Variants in MRPL48 observed in about 807,000 individuals in gnomAD.
The protein encoded by MRPL48 is mitochondrial ribosomal protein L48, also known as large ribosomal subunit protein mL48.
In MRPL48, 16 loss-of-function variants were observed where a neutral mutation model predicts 32.9. That is an observed-to-expected ratio of 0.49 (90% CI 0.33 to 0.74). The LOEUF (loss-of-function observed/expected upper bound fraction) is 0.74. MRPL48 is among the 30% of genes least tolerant of loss of function. MRPL48 has a pLI of 0.02. For missense variants in MRPL48, 206 were observed against 245.3 expected (o/e 0.84, Z 1.07); for synonymous variants, 94 against 89.2 (o/e 1.05, Z -0.31).
chr11:73,829,570 A>G (rs1465903055), intron 4 of MRPL48, among the ~76,000 whole-genome samples: 1 of 151,958 alleles, frequency 6.6e-6, no homozygotes, highest in Non-Finnish European at 1.5e-5. Context: ...GGGTCTCACT[A>G]TAGTGCCCAT....
intron 5 of MRPL48, among the ~76,000 whole-genome samples, chr11:73,852,261 G>A (rs1443012793): frequency 6.6e-6 from 1 of 151,964 alleles, no homozygotes; most frequent in Non-Finnish European, 1.5e-5. Context: ...GCTTGTCTAT[G>A]GACTACACTT....
chr11:73,808,847 C>T (rs1024547766), intron 3 of MRPL48, among the ~76,000 whole-genome samples: 2 of 151,488 alleles, frequency 1.3e-5, no homozygotes, highest in South Asian at 2.1e-4. Context: ...CGCTTGAGCT[C>T]GGGAGGCGGA....
intron 3 of MRPL48, among the ~76,000 whole-genome samples, chr11:73,815,144 C>G (rs894628165): frequency 6.6e-6 from 1 of 151,928 alleles, no homozygotes; most frequent in East Asian, 1.9e-4. Context: ...GGCTAGGCGT[C>G]GTGTCTCATG....
intron 3 of MRPL48, among the ~76,000 whole-genome samples, chr11:73,814,931 G>T (rs1419111055): frequency 6.6e-6 from 1 of 152,034 alleles, no homozygotes; most frequent in Admixed American, 6.6e-5. Context: ...GGCGGAGGTT[G>T]CAGTGAGCCG....
chr11:73,852,393 C>CA (rs10554131), intron 5 of MRPL48, among the ~76,000 whole-genome samples: 13,966 of 82,624 alleles, frequency 0.17, 1,154 homozygotes, highest in Non-Finnish European at 0.21. Context: ...AACTCTATAG[C>CA]AAAAAAAAAA....
intron 3 of MRPL48, among the ~76,000 whole-genome samples, chr11:73,821,183 C>T (rs1947773931): frequency 6.6e-6 from 1 of 151,896 alleles, no homozygotes; most frequent in African/African-American, 2.4e-5. Flanking sequence ...TTTATAGAGA[C>T]AGGGTCTCTT....
At chr11:73,855,856 T>G (rs1310255135) in intron 5 of MRPL48, among the ~76,000 whole-genome samples, 2 of 152,238 alleles carry the variant, frequency 1.3e-5, no homozygotes, top group African/African-American at 4.8e-5. Flanking sequence ...GAAACCTCAT[T>G]AAGTTAGATC....
chr11:73,790,375 T>C (rs1947128504), intron 1 of MRPL48, among the ~76,000 whole-genome samples: 1 of 44,874 alleles, frequency 2.2e-5, no homozygotes, highest in South Asian at 8.6e-4. Flanking sequence ...GCACCCGGCC[T>C]TTTTTTTTTT....
At chr11:73,845,033 T>C in intron 5 of MRPL48, 57 bp downstream of exon 5, 1 of 1,522,832 alleles carries the variant, frequency 6.6e-7, no homozygotes, top group Admixed American at 2.1e-5. Context: ...GCTCTGTTTT[T>C]TTGTTAAACT....
intron 4 of MRPL48, 45 bp from the exon 5 acceptor site, chr11:73,844,762 C>A: frequency 6.5e-7 from 1 of 1,547,698 alleles, no homozygotes; most frequent in Non-Finnish European, 8.7e-7. Flanking sequence ...ATTAGAATTT[C>A]TTGTATAATA....
chr11:73,864,004 C>T (rs1948627613), intron 7 of MRPL48, among the ~76,000 whole-genome samples: 1 of 152,186 alleles, frequency 6.6e-6, no homozygotes, highest in South Asian at 2.1e-4. Context: ...TATTCTCTCT[C>T]TCTCTCTCAA....
At chr11:73,816,359 C>G (rs760887046) in intron 3 of MRPL48, among the ~76,000 whole-genome samples, 1 of 151,516 alleles carries the variant, frequency 6.6e-6, no homozygotes, top group South Asian at 2.1e-4. Context: ...CGTGCCCGGC[C>G]GGAACTACTT....
At chr11:73,789,788 C>T (rs1055709805) in intron 1 of MRPL48, among the ~76,000 whole-genome samples, 3 of 152,134 alleles carry the variant, frequency 2.0e-5, no homozygotes, top group South Asian at 2.1e-4. Context: ...CACAATATCA[C>T]GAGATAATCC....
chr11:73,796,965 G>A (rs929894642), intron 1 of MRPL48, among the ~76,000 whole-genome samples: 3 of 152,206 alleles, frequency 2.0e-5, no homozygotes, highest in Admixed American at 6.5e-5. Context: ...TACTTAGGAG[G>A]TCGAGGCAGG....
chr11:73,850,156 T>TACATG, intron 5 of MRPL48, among the ~76,000 whole-genome samples: 1 of 151,326 alleles, frequency 6.6e-6, no homozygotes. Context: ...GGCAAGGTAG[T>TACATG]ACATGATATA....
chr11:73,824,004 C>T (rs1312606082), intron 3 of MRPL48, among the ~76,000 whole-genome samples: 3 of 151,806 alleles, frequency 2.0e-5, no homozygotes, highest in South Asian at 2.1e-4. Flanking sequence ...TATATGCGTG[C>T]ACCACCATGC....
chr11:73,843,101 C>T (rs950806524), intron 4 of MRPL48: 12 of 152,274 alleles, frequency 7.9e-5, no homozygotes, highest in African/African-American at 2.9e-4. Context: ...GTGTCAGCCA[C>T]TGTACCCAGC....
intron 3 of MRPL48, chr11:73,817,886 C>A: frequency 3.3e-6 from 1 of 304,542 alleles, no homozygotes; most frequent in Non-Finnish European, 6.8e-6. Context: ...CTCCCTGCAG[C>A]CTCGAACTCC....
At chr11:73,816,193 CTGG>C (rs1157634718) in intron 3 of MRPL48, among the ~76,000 whole-genome samples, 1 of 151,414 alleles carries the variant, frequency 6.6e-6, no homozygotes, top group Non-Finnish European at 1.5e-5. Context: ...TCCCGAGTAG[CTGG>C]GACTACAGGC....
Sources: allele counts gnomAD v4.1 joint callset (sites outside exome capture counted in the v4.1 genomes callset), GRCh38; gene constraint gnomAD v4.1.1; transcripts MANE v1.5; gene names NCBI Gene and HGNC (gene_info 2026-07-23, HGNC 2026-07-21).